Variants in THSD7A observed in about 807,000 individuals in gnomAD.
The protein encoded by THSD7A is thrombospondin type 1 domain containing 7A.
In THSD7A, 96 loss-of-function variants were observed where a neutral mutation model predicts 231.3. The observed-to-expected ratio is 0.41, with a 90% CI of 0.35 to 0.49. The LOEUF is 0.49. Among genes scored for constraint, THSD7A ranks in the 20% least tolerant of loss-of-function variants. The pLI is 0.05. For synonymous variants in THSD7A, 940 were observed against 743.3 expected (o/e 1.26, Z -4.30); for missense variants, 2,290 against 2,070.2 (o/e 1.11, Z -2.06).
chr7:11,406,853 G>T lies in THSD7A; in HGVS notation c.4062+57C>A. On this transcript the variant is annotated intron_variant, in intron 21 of 27. Transcript: ENST00000423059. This position sits in a 1 kb window ranked among gnomAD's most constrained non-coding sequence, Gnocchi z 4.7. ...CACATTATTTTTATGTTTTTCTGCA[G>T]ATGAAGTCTCTGCAGATAGAGTACA... 1.9e-6 allele frequency: 3 copies of T among 1,575,460 alleles called. No homozygotes were observed. The highest frequency in any genetic ancestry group is 2.6e-6 in the Non-Finnish European group (3 of 1,157,052).
At chr7:11,473,737 A>C (rs541491104) in intron 8 of THSD7A, among the ~76,000 whole-genome samples, 3 of 152,056 alleles carry the variant, frequency 2.0e-5, no homozygotes, top group Admixed American at 2.0e-4. Flanking sequence ...TTGCCCTGTT[A>C]TTATAGTACT....
intron 1 of THSD7A, among the ~76,000 whole-genome samples, chr7:11,733,062 A>C (rs543936223): frequency 2.7e-4 from 41 of 151,850 alleles, no homozygotes; most frequent in Non-Finnish European, 4.6e-4. Flanking sequence ...GCCTCTGGAG[A>C]TATTTCTATT....
intron 9 of THSD7A, among the ~76,000 whole-genome samples, chr7:11,468,570 G>A (rs970376335): frequency 3.9e-5 from 6 of 151,990 alleles, no homozygotes; most frequent in Admixed American, 6.6e-5. Context: ...GCAGTGGCTC[G>A]TGCCTGTAAT....
intron 6 of THSD7A, among the ~76,000 whole-genome samples, chr7:11,514,447 G>A (rs1012064430): frequency 5.9e-5 from 9 of 151,990 alleles, no homozygotes; most frequent in African/African-American, 9.7e-5. Context: ...TTAGACACAC[G>A]TATATATGTG....
chr7:11,547,871 G>C (rs1312693898), intron 4 of THSD7A, among the ~76,000 whole-genome samples: 1 of 152,124 alleles, frequency 6.6e-6, no homozygotes, highest in Non-Finnish European at 1.5e-5. Context: ...GCAGTGTTAA[G>C]AAAGTTTACA....
At chr7:11,508,921 T>C (rs913705883) in intron 6 of THSD7A, among the ~76,000 whole-genome samples, 1 of 152,168 alleles carries the variant, frequency 6.6e-6, no homozygotes, top group Non-Finnish European at 1.5e-5. Flanking sequence ...AGTAGAATGG[T>C]AGTTGCCAGG....
At chr7:11,473,505 T>G (rs1161867616) in intron 8 of THSD7A, among the ~76,000 whole-genome samples, 1 of 152,200 alleles carries the variant, frequency 6.6e-6, no homozygotes, top group Non-Finnish European at 1.5e-5. Flanking sequence ...TCGACTCATT[T>G]ATCATTTCAT....
At chr7:11,807,894 A>G (rs934486339) in intron 1 of THSD7A, among the ~76,000 whole-genome samples, 1 of 152,154 alleles carries the variant, frequency 6.6e-6, no homozygotes, top group Admixed American at 6.5e-5. Flanking sequence ...CCTCAGTAAG[A>G]ACCAATAATT....
In THSD7A at chr7:11,636,859, T is replaced by C. The variant is rs1781882674; in HGVS notation, c.293A>G (p.Asn98Ser). ...HVEGWTTLHT[N>S]CKQAERPNNQ... ...ATTGGGTCTCTCGGCCTGCTTACAG[T>C]TAGTATGCAGTGTAGTCCATCCCTC... Residue 98 changes from asparagine to serine, a missense_variant, in exon 2 of 28, where the codon AAC becomes AGC. By Grantham distance (46) the Asn-to-Ser change is conservative. Transcript: ENST00000423059. The surrounding 1 kb of genome is among the most constrained non-coding windows in gnomAD (Gnocchi z 10.0). 5 of 1,613,918 alleles carry C rather than the reference T, an allele frequency of 3.1e-6. No individual in the cohort carries two copies. Among genetic ancestry groups the C allele is most frequent in the Non-Finnish European group, 4.2e-6 (5 of 1,179,872 alleles).
chr7:11,383,979 A>C (rs1049288899), intron 23 of THSD7A: 6 of 152,024 alleles, frequency 3.9e-5, no homozygotes, highest in African/African-American at 1.4e-4. Flanking sequence ...GAAGCAGATA[A>C]GAGAATCCAG....
chr7:11,824,076 C>A (rs1329780784), intron 1 of THSD7A, among the ~76,000 whole-genome samples: 1 of 152,052 alleles, frequency 6.6e-6, no homozygotes, highest in Non-Finnish European at 1.5e-5. Context: ...TTTAAACTAT[C>A]AGTGTAAAGT....
intron 1 of THSD7A, among the ~76,000 whole-genome samples, chr7:11,823,856 C>T (rs1332633701): frequency 1.3e-5 from 2 of 151,562 alleles, no homozygotes; most frequent in Non-Finnish European, 2.9e-5. Flanking sequence ...GCATGGAAAC[C>T]ACCTGGGTAT....
chr7:11,799,033 C>G (rs1351782735), intron 1 of THSD7A, among the ~76,000 whole-genome samples: 1 of 151,992 alleles, frequency 6.6e-6, no homozygotes, highest in African/African-American at 2.4e-5. Context: ...AGTGATTCTC[C>G]CGCTTCAGAC....
At chr7:11,691,405 G>A (rs1349610122) in intron 1 of THSD7A, among the ~76,000 whole-genome samples, 2 of 151,470 alleles carry the variant, frequency 1.3e-5, no homozygotes, top group Non-Finnish European at 3.0e-5. Flanking sequence ...CAGGGTGTTA[G>A]TGGAGACTTC....
chr7:11,474,820 G>A lies in THSD7A; in HGVS notation c.2018-252C>T, dbSNP rs1186860689. Among the ~76,000 whole-genome samples, 2 of 152,112 alleles carry A rather than the reference G, an allele frequency of 1.3e-5. No individual in the cohort carries two copies. Among genetic ancestry groups the A allele is most frequent in the Admixed American group, 1.3e-4 (2 of 15,254 alleles). ...TAGTAGGGGAGATAAGGATACAAAT[G>A]AGTATAATTCTAGATAGAATGAAAT... On this transcript the variant is annotated intron_variant, in intron 7 of 27. Transcript: ENST00000423059. The surrounding 1 kb of genome is among the most constrained non-coding windows in gnomAD (Gnocchi z 4.1).
chr7:11,524,491 C>T (rs757422693), intron 6 of THSD7A, among the ~76,000 whole-genome samples: 49 of 152,206 alleles, frequency 3.2e-4, no homozygotes, highest in Admixed American at 8.5e-4. Flanking sequence ...TAAGTTGAAA[C>T]TAATTCCCTT....
At chr7:11,798,634 C>G (rs894063664) in intron 1 of THSD7A, among the ~76,000 whole-genome samples, 1 of 152,014 alleles carries the variant, frequency 6.6e-6, no homozygotes, top group Admixed American at 6.6e-5. Context: ...TAATGAAATA[C>G]TTTTAACACA....
chr7:11,675,793 T>A (rs2128137146), intron 1 of THSD7A, among the ~76,000 whole-genome samples: 1 of 152,232 alleles, frequency 6.6e-6, no homozygotes, highest in African/African-American at 2.4e-5. Flanking sequence ...AACTCCCATC[T>A]CCCTGGGACA....
chr7:11,411,878 A>G lies in THSD7A; in HGVS notation c.3683-556T>C, dbSNP rs1026872289. Among the ~76,000 whole-genome samples the G allele has an allele frequency of 2.0e-5, 3 of 151,812 alleles. No individual in the cohort carries two copies. The highest frequency in any genetic ancestry group is 4.4e-5 in the Non-Finnish European group (3 of 68,006). On this transcript the variant is annotated intron_variant, in intron 18 of 27. Transcript: ENST00000423059. The surrounding 1 kb of genome is among the most constrained non-coding windows in gnomAD (Gnocchi z 4.1). ...ATAAAAGACACCTCTTTCCCTGGGT[A>G]ACATAGCACATCCCAGATAACTGTG... is the stretch of plus-strand genomic sequence containing the variant.
Sources: gnomAD v4.1 joint callset for allele counts (sites outside exome capture counted in the v4.1 genomes callset) on GRCh38, gnomAD v4.1.1 for gene constraint, Gnocchi (gnomAD v3.1) non-coding constraint, MANE v1.5 for transcripts, NCBI Gene and HGNC (gene_info 2026-07-23, HGNC 2026-07-21) for gene names.